Variants in SLC51A observed in about 807,000 individuals in gnomAD.
The protein encoded by SLC51A is organic solute transporter subunit alpha.
Under a neutral mutation model 34.8 loss-of-function variants are expected in SLC51A, and 22 were observed. The observed-to-expected ratio is 0.63, with a 90% CI of 0.45 to 0.90. The LOEUF (loss-of-function observed/expected upper bound fraction) is 0.90. Ranked by LOEUF, SLC51A falls within the 40% of genes least tolerant of loss-of-function variation. The pLI, the probability that SLC51A is intolerant of heterozygous loss-of-function variation, is 0.00. For missense variants in SLC51A, 371 were observed against 414.8 expected (o/e 0.89, Z 0.92); for synonymous variants, 181 against 176.3 (o/e 1.03, Z -0.21).
rs1156562625 is a variant in SLC51A, at chr3:196,228,533, C to T, written c.521+260C>T. 1.1e-5 allele frequency: 7 copies of T among 609,296 alleles called. No homozygotes were observed. The highest frequency in any genetic ancestry group is 8.3e-5 in the East Asian group (3 of 36,266). The allele number at this position is 609,296 out of a possible 1,614,324, so 37.7% of individuals were successfully genotyped here. The stretch of plus-strand genomic sequence containing the variant: ...AGAGAAAACTGGACTTGGGGCCATT[C>T]GCTTGCCCCTTCTGCCCACTTTGGT... On this transcript the variant is annotated intron_variant, in intron 5 of 8. Transcript: ENST00000296327. The surrounding 1 kb of genome is among the most constrained non-coding windows in gnomAD (Gnocchi z 4.9).
In SLC51A at chr3:196,226,851, T is replaced by C. The variant is rs552078796; in HGVS notation, c.134-114T>C. Reference sequence around the variant, plus strand: ...TACTCTAGGTCTAAAAAATCCTCATTCCTGTGCACGGGTGGGAGCCTAGAT... The same window carrying C: ...TACTCTAGGTCTAAAAAATCCTCATCCCTGTGCACGGGTGGGAGCCTAGAT... On this transcript the variant is annotated intron_variant, in intron 2 of 8. Transcript: ENST00000296327. 9 of 973,794 alleles carry C rather than the reference T, an allele frequency of 9.2e-6. No individual in the cohort carries two copies. In the African/African-American group the frequency reaches 1.5e-4, roughly 16 times the overall value. The allele number at this position is 973,794 out of a possible 1,614,324, so 60.3% of individuals were successfully genotyped here. A position where few individuals can be genotyped will look rare whatever the true frequency, so the allele number is the denominator to read the frequency against.
chr3:196,228,456 T>G lies in SLC51A; in HGVS notation c.521+183T>G, dbSNP rs1177847688. On this transcript the variant is annotated intron_variant, in intron 5 of 8. Transcript: ENST00000296327. This position sits in a 1 kb window ranked among gnomAD's most constrained non-coding sequence, Gnocchi z 4.9. ...GACAGGGGAGCAGAGGAAGGAGAGCTCCTCAATTGTCATCACTGAACTTCA... is the reference window on the plus strand; with the variant it reads ...GACAGGGGAGCAGAGGAAGGAGAGCGCCTCAATTGTCATCACTGAACTTCA... 3.3e-5 allele frequency among the ~76,000 whole-genome samples: 5 copies of G among 152,152 alleles called. No homozygotes were observed. The highest frequency in any genetic ancestry group is 9.7e-5 in the African/African-American group (4 of 41,434).
intron 2 of SLC51A, among the ~76,000 whole-genome samples, chr3:196,221,962 C>T (rs1723768083): frequency 1.3e-5 from 2 of 152,062 alleles, no homozygotes; most frequent in African/African-American, 4.8e-5. Context: ...TCGTGATCCG[C>T]CCGCCTCGGC....
intron 7 of SLC51A, among the ~76,000 whole-genome samples, chr3:196,230,956 C>T (rs1254459796): frequency 2.0e-5 from 3 of 152,190 alleles, no homozygotes; most frequent in Non-Finnish European, 2.9e-5. Context: ...ACCTGTAACA[C>T]GTGTGTTAGT....
intron 4 of SLC51A, 137 bp from the exon 5 acceptor site, chr3:196,227,978 C>A: frequency 8.4e-7 from 1 of 1,197,538 alleles, no homozygotes; most frequent in Non-Finnish European, 1.2e-6. Flanking sequence ...TGTGGGCCGT[C>A]TCCTCTCCCT....
Position 196,217,864 on chromosome 3 carries a change from G to C in SLC51A, c.61G>C (p.Val21Leu). Residue 21 changes from valine to leucine, a missense_variant, in exon 2 of 9, where the codon GTG becomes CTG. Val to Leu is a conservative substitution (Grantham distance 32, BLOSUM62 1). Transcript: ENST00000296327. ...CAGGTACACAGCAGATCTTCTGGAG[G>C]TGCTGAAGACCAATTACGGCATCCC... ...DPRYTADLLE[V>L]LKTNYGIPSA... The C allele has an allele frequency of 6.2e-7, 1 of 1,613,754 alleles. No individual in the cohort carries two copies.
chr3:196,231,488 G>C (rs1323424996), intron 7 of SLC51A, among the ~76,000 whole-genome samples: 3 of 152,248 alleles, frequency 2.0e-5, no homozygotes, highest in East Asian at 3.9e-4. Flanking sequence ...GTGAGTTCAC[G>C]TACATTCTCA....
intron 2 of SLC51A, among the ~76,000 whole-genome samples, chr3:196,221,273 GA>G (rs545713383): frequency 6.6e-6 from 1 of 150,760 alleles, no homozygotes; most frequent in African/African-American, 2.4e-5. Flanking sequence ...AAGAGAGAGA[GA>G]AAAAAAAGCT....
chr3:196,227,813 T>G, intron 4 of SLC51A, 76 bp downstream of exon 4: 1 of 1,387,406 alleles, frequency 7.2e-7, no homozygotes, highest in Non-Finnish European at 1.0e-6. Context: ...GTGTCCTTGA[T>G]CCCAGCTGAC....
At position 196,228,328 on chromosome 3, in the gene SLC51A, C is replaced by T; in HGVS notation, c.521+55C>T. 18 of 1,563,652 alleles carry T rather than the reference C, an allele frequency of 1.2e-5. No individual in the cohort carries two copies. Among genetic ancestry groups the T allele is most frequent in the Non-Finnish European group, 1.6e-5 (18 of 1,159,744 alleles). ...GAGCCGGGGAGCCTCTCCTGGACCC[C>T]TGGTCCCCTTCAAGGCTCTGGGAAT... On this transcript the variant is annotated intron_variant, in intron 5 of 8. Coordinates refer to ENST00000296327, the MANE Select transcript of SLC51A (RefSeq NM_152672.6). The surrounding 1 kb of genome is among the most constrained non-coding windows in gnomAD (Gnocchi z 4.9).
chr3:196,218,894 T>C (rs1261312477), intron 2 of SLC51A, among the ~76,000 whole-genome samples: 5 of 150,996 alleles, frequency 3.3e-5, no homozygotes, highest in Non-Finnish European at 4.4e-5. Flanking sequence ...CCTCGCAGTG[T>C]TGGCCAACAA....
At chr3:196,224,696 G>GT (rs1560153140) in intron 2 of SLC51A, among the ~76,000 whole-genome samples, 8 of 89,126 alleles carry the variant, frequency 9.0e-5, no homozygotes, top group Non-Finnish European at 1.8e-4. Flanking sequence ...AGGGGGCGGG[G>GT]CGGGGGGGGG....
rs548134258 is a variant in SLC51A at position 196,217,112 on chromosome 3, C to G, written c.38+362C>G. On this transcript the variant is annotated intron_variant, in intron 1 of 8. Coordinates refer to ENST00000296327, the MANE Select transcript of SLC51A (RefSeq NM_152672.6). ...TCTCTGGTCAGTCCCTGGGCTGCTG[C>G]CCGACCCGCATGGAGAGAATCCACG... Among the ~76,000 whole-genome samples the G allele has an allele frequency of 2.0e-5, 3 of 152,378 alleles. No individual in the cohort carries two copies. In the East Asian group the frequency reaches 5.8e-4, roughly 29 times the overall value.
rs761994580 is a variant in SLC51A at position 196,228,462 on chromosome 3, A to G, written c.521+189A>G. Among the ~76,000 whole-genome samples the G allele has an allele frequency of 8.5e-5, 13 of 152,208 alleles. No homozygotes were observed. Among genetic ancestry groups the G allele is most frequent in the Admixed American group, 3.3e-4 (5 of 15,270 alleles). On this transcript the variant is annotated intron_variant, in intron 5 of 8. Coordinates refer to ENST00000296327, the MANE Select transcript of SLC51A (RefSeq NM_152672.6). The surrounding 1 kb of genome is among the most constrained non-coding windows in gnomAD (Gnocchi z 4.9). ...GGAGCAGAGGAAGGAGAGCTCCTCA[A>G]TTGTCATCACTGAACTTCACTGCAC... is the stretch of plus-strand genomic sequence containing the variant.
chr3:196,224,655 G>A (rs1015494906), intron 2 of SLC51A, among the ~76,000 whole-genome samples: 6 of 138,746 alleles, frequency 4.3e-5, no homozygotes, highest in Admixed American at 1.6e-4. Context: ...CAGCCTGTGC[G>A]ACAAGAGTGA....
chr3:196,225,933 C>T (rs958574348), intron 2 of SLC51A: 1 of 152,194 alleles, frequency 6.6e-6, no homozygotes, highest in Non-Finnish European at 1.5e-5. Flanking sequence ...GTTTGAAAAC[C>T]TTGGACTATA....
At position 196,228,075 on chromosome 3, in the gene SLC51A, G is replaced by A; in HGVS notation, c.363-40G>A. 1 of 1,589,170 alleles carries A rather than the reference G, an allele frequency of 6.3e-7. No homozygotes were observed. The highest frequency in any genetic ancestry group is 8.6e-7 in the Non-Finnish European group (1 of 1,165,394). On this transcript the variant is annotated intron_variant, in intron 4 of 8. Transcript: ENST00000296327. The surrounding 1 kb of genome is among the most constrained non-coding windows in gnomAD (Gnocchi z 4.9). Reference sequence around the variant, plus strand: ...ACCTCTCCCTGCTGTCTTTCTCTCTGGCAGCAGACCTCGTAGGCCCTCTTC... The same window carrying A: ...ACCTCTCCCTGCTGTCTTTCTCTCTAGCAGCAGACCTCGTAGGCCCTCTTC...
Position 196,228,032 on chromosome 3 carries a change from TG to T in SLC51A, c.363-82del, listed in dbSNP as rs1723940289. ...CACCCAGAACGCCCAGCCCTAGCTC[TG>T]CTCCTCAGTAAGCCCCACCTCTCCC... On this transcript the variant is annotated intron_variant, in intron 4 of 8. Coordinates refer to ENST00000296327, the MANE Select transcript of SLC51A (RefSeq NM_152672.6). This position sits in a 1 kb window ranked among gnomAD's most constrained non-coding sequence, Gnocchi z 4.9. 6.5e-7 allele frequency: 1 copy of T among 1,547,468 alleles called. No individual in the cohort carries two copies. Among genetic ancestry groups the T allele is most frequent in the Non-Finnish European group, 8.8e-7 (1 of 1,140,462 alleles).
At chr3:196,232,958 G>A in intron 8 of SLC51A, 105 bp from the exon 9 acceptor site, 1 of 1,166,004 alleles carries the variant, frequency 8.6e-7, no homozygotes, top group South Asian at 1.4e-5. Flanking sequence ...CTGATTTGGG[G>A]ATAAACTGGA....
Sources: allele counts gnomAD v4.1 joint callset (sites outside exome capture counted in the v4.1 genomes callset), GRCh38; gene constraint gnomAD v4.1.1; non-coding constraint Gnocchi (gnomAD v3.1); transcripts MANE v1.5; gene names NCBI Gene and HGNC (gene_info 2026-07-23, HGNC 2026-07-21).